The following BCL2 variants were observed in gnomAD, a reference collection of about 807,000 sequenced individuals.
The protein encoded by BCL2 is BCL2 apoptosis regulator, also known as apoptosis regulator Bcl-2.
BCL2 carries 1 observed loss-of-function variant against 14.2 expected under a neutral mutation model. The ratio of observed to expected loss-of-function variants is 0.07; its 90% CI spans 0.02 to 0.33. The LOEUF (loss-of-function observed/expected upper bound fraction) is 0.33, where lower values mean the gene tolerates loss of function less well. BCL2 is among the 10% of genes least tolerant of loss of function. BCL2 has a pLI of 0.99. For synonymous variants in BCL2, 151 were observed against 137.2 expected, an observed-to-expected ratio of 1.10 and a Z score of -0.70; for missense variants, 247 against 305.9, an observed-to-expected ratio of 0.81 and a Z score of 1.44.
intron 2 of BCL2, among the ~76,000 whole-genome samples, chr18:63,133,782 A>G (rs1372520959): frequency 6.6e-6 from 1 of 152,206 alleles, no homozygotes; most frequent in East Asian, 1.9e-4. Context: ...TTGGTAATGC[A>G]TATCAAAAGG....
chr18:63,163,686 A>G (rs1172644155), intron 2 of BCL2, among the ~76,000 whole-genome samples: 1 of 152,252 alleles, frequency 6.6e-6, no homozygotes, highest in East Asian at 1.9e-4. Flanking sequence ...AGTCATTTAT[A>G]TAGCACTGTG....
chr18:63,179,905 G>T (rs1312646593), intron 2 of BCL2, among the ~76,000 whole-genome samples: 1 of 152,172 alleles, frequency 6.6e-6, no homozygotes, highest in Non-Finnish European at 1.5e-5. Flanking sequence ...TGTTGTAAGT[G>T]TCCTTATTCT....
chr18:63,163,838 G>C (rs1311635234), intron 2 of BCL2, among the ~76,000 whole-genome samples: 1 of 152,214 alleles, frequency 6.6e-6, no homozygotes, highest in Non-Finnish European at 1.5e-5. Context: ...AAGTCACATA[G>C]TGGCTAAGCT....
intron 2 of BCL2, among the ~76,000 whole-genome samples, chr18:63,129,593 A>G (rs905567253): frequency 5.3e-5 from 8 of 152,258 alleles, no homozygotes; most frequent in African/African-American, 1.4e-4. Context: ...CTTTGTACCA[A>G]TCTTATGAAG....
chr18:63,171,549 T>A (rs193179424), intron 2 of BCL2, among the ~76,000 whole-genome samples: 9 of 152,374 alleles, frequency 5.9e-5, no homozygotes, highest in Admixed American at 5.9e-4. Flanking sequence ...ACCAACTGAT[T>A]GATAACATCT....
chr18:63,257,375 T>C lies in BCL2; in HGVS notation c.585+60707A>G, dbSNP rs74929130. ...TCAGAGCAAGCAAAGTATGCTGCCA[T>C]CTAAAATCAAATAAATGTAGATTCT... On this transcript the variant is annotated intron_variant, in intron 2 of 2. Coordinates refer to ENST00000333681, the MANE Select transcript of BCL2 (RefSeq NM_000633.3). Among the ~76,000 whole-genome samples, 12 of 152,356 alleles carry C rather than the reference T, an allele frequency of 7.9e-5. 1 individual carries two copies. The East Asian group carries it at 2.3e-3, about 29-fold the overall frequency.
chr18:63,311,844 G>C (rs1168548837), intron 2 of BCL2, among the ~76,000 whole-genome samples: 1 of 152,134 alleles, frequency 6.6e-6, no homozygotes, highest in Non-Finnish European at 1.5e-5. Context: ...AGTATGTCAG[G>C]GAGATTCCCT....
chr18:63,295,662 C>A (rs543846347), intron 2 of BCL2, among the ~76,000 whole-genome samples: 2 of 152,182 alleles, frequency 1.3e-5, no homozygotes, highest in South Asian at 4.1e-4. Context: ...CCCTAAATGT[C>A]CTCAACAACT....
intron 2 of BCL2, among the ~76,000 whole-genome samples, chr18:63,283,415 C>A (rs1385306371): frequency 2.6e-5 from 4 of 152,192 alleles, no homozygotes; most frequent in Non-Finnish European, 4.4e-5. Context: ...CCTTCTCCAG[C>A]CTGGGAGGTA....
chr18:63,273,290 C>A (rs4987735), intron 2 of BCL2, among the ~76,000 whole-genome samples: 2,696 of 152,272 alleles, frequency 0.018, 73 homozygotes, highest in African/African-American at 0.06. Context: ...AGAGCTGGGG[C>A]TTTGCCTTGT....
intron 2 of BCL2, among the ~76,000 whole-genome samples, chr18:63,257,377 T>TA (rs1197000538): frequency 6.6e-6 from 1 of 152,250 alleles, no homozygotes; most frequent in African/African-American, 2.4e-5. Flanking sequence ...TGCTGCCATC[T>TA]AAAATCAAAT....
At chr18:63,296,283 C>T (rs979212573) in intron 2 of BCL2, among the ~76,000 whole-genome samples, 30 of 152,130 alleles carry the variant, frequency 2.0e-4, no homozygotes, top group African/African-American at 6.8e-4. Flanking sequence ...TCCAGCCTGG[C>T]AAGAGTTAGA....
intron 2 of BCL2, among the ~76,000 whole-genome samples, chr18:63,292,668 T>A (rs1363419577): frequency 1.3e-5 from 2 of 152,254 alleles, no homozygotes; most frequent in Non-Finnish European, 2.9e-5. Flanking sequence ...ATGTCTTGAA[T>A]GAATGGTTCT....
intron 2 of BCL2, among the ~76,000 whole-genome samples, chr18:63,300,962 G>A (rs1282986317): frequency 1.1e-4 from 17 of 152,002 alleles, no homozygotes. Flanking sequence ...GGTGGGGAGT[G>A]GAAATGACAA....
At chr18:63,264,953 G>T (rs538181933) in intron 2 of BCL2, among the ~76,000 whole-genome samples, 1 of 142 alleles carries the variant, frequency 7.0e-3, no homozygotes, top group Non-Finnish European at 0.018. Context: ...GAAAGAACAC[G>T]GACTCTCACC....
chr18:63,310,826 A>G (rs1913294174), intron 2 of BCL2, among the ~76,000 whole-genome samples: 1 of 152,094 alleles, frequency 6.6e-6, no homozygotes, highest in Non-Finnish European at 1.5e-5. Context: ...TTCTTCTTAT[A>G]CTATCACTTT....
chr18:63,148,225 C>A (rs983263434), intron 2 of BCL2, among the ~76,000 whole-genome samples: 2 of 152,092 alleles, frequency 1.3e-5, no homozygotes, highest in African/African-American at 4.8e-5. Context: ...GAAGAATATC[C>A]ATTTTCTCTC....
rs1409774240 is a variant in BCL2, at chr18:63,146,377, C to T, written c.586-17618G>A. ...GTCGTGGACACTGATGGGGAAATGG[C>T]GGCTGTCCCTGAGCCCCCCAAGAAA... On this transcript the variant is annotated intron_variant, in intron 2 of 2. Coordinates refer to ENST00000333681, the MANE Select transcript of BCL2 (RefSeq NM_000633.3). 3.3e-5 allele frequency among the ~76,000 whole-genome samples: 5 copies of T among 152,352 alleles called. No individual in the cohort carries two copies. In the South Asian group the frequency reaches 6.2e-4, roughly 19 times the overall value.
chr18:63,201,223 C>T (rs1909681176), intron 2 of BCL2, among the ~76,000 whole-genome samples: 1 of 152,190 alleles, frequency 6.6e-6, no homozygotes, highest in Non-Finnish European at 1.5e-5. Context: ...TATAACAAAC[C>T]ATTGTGAGAA....
Sources: gnomAD v4.1 joint callset for allele counts (sites outside exome capture counted in the v4.1 genomes callset) on GRCh38, gnomAD v4.1.1 for gene constraint, MANE v1.5 for transcripts, NCBI Gene and HGNC (gene_info 2026-07-23, HGNC 2026-07-21) for gene names.